The following PIWIL1 variants were observed in gnomAD, a reference collection of about 807,000 sequenced individuals.
The protein encoded by PIWIL1 is piwi like RNA-mediated gene silencing 1.
A neutral mutation model predicts 114.4 loss-of-function variants in PIWIL1; 73 were observed. That is an observed-to-expected ratio of 0.64 (90% CI 0.53 to 0.78). PIWIL1 has a LOEUF of 0.78. Ranked by LOEUF, PIWIL1 falls within the 30% of genes least tolerant of loss-of-function variation. The pLI, the probability that PIWIL1 is intolerant of heterozygous loss-of-function variation, is 0.00. For missense variants in PIWIL1, 723 were observed against 1,063.1 expected, an observed-to-expected ratio of 0.68 and a Z score of 4.45; for synonymous variants, 375 against 369.0, an observed-to-expected ratio of 1.02 and a Z score of -0.19.
chr12:130,352,170 A>G lies in PIWIL1; in HGVS notation c.1044+2203A>G, dbSNP rs186796331. Among the ~76,000 whole-genome samples, 284 of 152,322 alleles carry G rather than the reference A, an allele frequency of 1.9e-3. 1 individual carries two copies. The highest frequency in any genetic ancestry group is 6.6e-3 in the African/African-American group (275 of 41,560). On this transcript the variant is annotated intron_variant, in intron 9 of 20. Transcript: ENST00000245255. ...AAAGAGGTTGACGTTAAGATATTTA[A>G]AAGAATCAAAGCCTTCTTAGATTTT...
At chr12:130,408,111 T>G in the PIWIL1 span, among the ~76,000 whole-genome samples, 11 of 152,200 alleles carry the variant, frequency 7.2e-5, no homozygotes, top group Non-Finnish European at 1.6e-4. Context: ...GAGACTCACA[T>G]GAAGCACGGG....
chr12:130,339,213 G>C (rs1215412289), intron 1 of PIWIL1, among the ~76,000 whole-genome samples: 1 of 152,092 alleles, frequency 6.6e-6, no homozygotes, highest in African/African-American at 2.4e-5. Context: ...GGGGGTCCTC[G>C]CGGGTGCTGG....
chr12:130,399,991 A>G, the PIWIL1 span, among the ~76,000 whole-genome samples: 1 of 152,202 alleles, frequency 6.6e-6, no homozygotes, highest in African/African-American at 2.4e-5. Flanking sequence ...AGCAACATGC[A>G]GAGTCCTAAG....
At chr12:130,359,968 C>G (rs2073465032) in intron 14 of PIWIL1, among the ~76,000 whole-genome samples, 1 of 152,182 alleles carries the variant, frequency 6.6e-6, no homozygotes, top group African/African-American at 2.4e-5. Context: ...ATTTTAAAAA[C>G]AAGTTGAAAG....
At chr12:130,417,149 G>A in the PIWIL1 span, among the ~76,000 whole-genome samples, 144 of 152,232 alleles carry the variant, frequency 9.5e-4, no homozygotes, top group African/African-American at 3.1e-3. Context: ...TGGAGGGAAC[G>A]GAAATTAGTT....
At chr12:130,347,430 A>G (rs2073098654) in intron 6 of PIWIL1, among the ~76,000 whole-genome samples, 1 of 152,172 alleles carries the variant, frequency 6.6e-6, no homozygotes. Flanking sequence ...TGCATGCTTG[A>G]TAATTTGCTT....
chr12:130,409,043 A>G, the PIWIL1 span, among the ~76,000 whole-genome samples: 103,054 of 152,082 alleles, frequency 0.68, 35,408 homozygotes, highest in East Asian at 0.89. Context: ...TCTCAGCATT[A>G]TTCATGTTAC....
the PIWIL1 span, among the ~76,000 whole-genome samples, chr12:130,423,671 A>T: frequency 6.7e-6 from 1 of 148,504 alleles, no homozygotes; most frequent in African/African-American, 2.5e-5. Flanking sequence ...AAAAAAAAAA[A>T]AAAAATAGAT....
the PIWIL1 span, among the ~76,000 whole-genome samples, chr12:130,392,035 G>A: frequency 6.6e-6 from 1 of 152,114 alleles, no homozygotes; most frequent in Non-Finnish European, 1.5e-5. Flanking sequence ...TCAGTTACCT[G>A]GTGAATATTG....
chr12:130,345,689 G>A, intron 3 of PIWIL1, 64 bp from the exon 4 acceptor site: 2 of 1,551,142 alleles, frequency 1.3e-6, no homozygotes, highest in Non-Finnish European at 1.8e-6. Context: ...AGCACTATGG[G>A]AGTTAATATT....
At chr12:130,343,648 C>T (rs186111868) in intron 3 of PIWIL1, among the ~76,000 whole-genome samples, 7 of 122,314 alleles carry the variant, frequency 5.7e-5, no homozygotes, top group East Asian at 2.6e-4. Flanking sequence ...TTTTTTGAGA[C>T]GGAGTCTCAC....
chr12:130,358,222 G>A (rs2073417761), intron 14 of PIWIL1, among the ~76,000 whole-genome samples: 1 of 152,200 alleles, frequency 6.6e-6, no homozygotes, highest in Admixed American at 6.5e-5. Flanking sequence ...TGTGGGAGGT[G>A]CAGAGGGTTA....
chr12:130,356,483 G>A (rs544551994), intron 12 of PIWIL1, among the ~76,000 whole-genome samples: 13 of 151,776 alleles, frequency 8.6e-5, no homozygotes, highest in East Asian at 3.9e-4. Context: ...TGTGCCTCGC[G>A]TTTATTTCAC....
At chr12:130,423,354 A>G in the PIWIL1 span, among the ~76,000 whole-genome samples, 1 of 152,154 alleles carries the variant, frequency 6.6e-6, no homozygotes. Flanking sequence ...TGAGGCACGG[A>G]TCTCGCACCT....
At chr12:130,392,263 C>T in the PIWIL1 span, among the ~76,000 whole-genome samples, 3 of 73,714 alleles carry the variant, frequency 4.1e-5, no homozygotes, top group African/African-American at 1.9e-4. Context: ...ATCACGTGTC[C>T]GTCAGTTACC....
chr12:130,353,857 C>T (rs1430910038), intron 9 of PIWIL1, among the ~76,000 whole-genome samples: 3 of 150,342 alleles, frequency 2.0e-5, no homozygotes, highest in South Asian at 2.1e-4. Flanking sequence ...ACCCGGGAGG[C>T]GGAGGTTGCA....
intron 8 of PIWIL1, 72 bp from the exon 9 acceptor site, chr12:130,349,784 G>A: frequency 5.7e-6 from 5 of 874,940 alleles, no homozygotes; most frequent in Non-Finnish European, 7.3e-6. Context: ...AATACATGCT[G>A]TCTAGTCTCT....
At position 130,355,582 on chromosome 12, in the gene PIWIL1, A is replaced by G. The variant is rs756760529; in HGVS notation, c.1319A>G (p.Asp440Gly). The G allele has an allele frequency of 2.5e-6, 4 of 1,613,958 alleles. No homozygotes were observed. The highest frequency in any genetic ancestry group is 3.4e-6 in the Non-Finnish European group (4 of 1,179,814). The change falls in exon 12 of 21, where the codon GAC becomes GGC. Residue 440 changes from aspartate (D) to glycine (G), a missense_variant. Asp to Gly is a moderately conservative substitution (Grantham distance 94). This residue lies in a region of PIWIL1 where 298 missense variants were observed against 420.8 expected (regional missense o/e 0.71). Transcript: ENST00000245255. ...GATAATGTTCAAAGGGAGCTTCGAG[A>G]CTGGGGTTTGAGCTTTGATTCCAAC... ...KNDNVQRELR[D>G]WGLSFDSNLL...
chr12:130,358,735 C>T (rs868571214), intron 14 of PIWIL1, among the ~76,000 whole-genome samples: 2 of 152,214 alleles, frequency 1.3e-5, no homozygotes, highest in South Asian at 4.1e-4. Context: ...CTTGACTTCA[C>T]TGTTTGTCCA....
Sources: allele counts gnomAD v4.1 joint callset (sites outside exome capture counted in the v4.1 genomes callset), GRCh38; gene constraint gnomAD v4.1.1; regional missense constraint gnomAD v4.1.1; transcripts MANE v1.5; gene names NCBI Gene and HGNC (gene_info 2026-07-23, HGNC 2026-07-21).